The following UBR3 variants were observed in gnomAD, a reference collection of about 807,000 sequenced individuals.
UBR3 encodes the protein ubiquitin protein ligase E3 component n-recognin 3.
In UBR3, 85 loss-of-function variants were observed where a neutral mutation model predicts 243.2. The observed-to-expected ratio is 0.35, with a 90% confidence interval of 0.29 to 0.42. The LOEUF (loss-of-function observed/expected upper bound fraction) is 0.42, where lower values mean the gene tolerates loss of function less well. Ranked by LOEUF, UBR3 falls within the 10% of genes least tolerant of loss-of-function variation. The pLI is 1.00. For synonymous variants in UBR3, 748 were observed against 799.8 expected (o/e 0.94, Z 1.09); for missense variants, 1,686 against 2,300.8 (o/e 0.73, Z 5.47).
At chr2:169,974,958 A>G (rs117580751) in intron 24 of UBR3, among the ~76,000 whole-genome samples, 1 of 152,060 alleles carries the variant, frequency 6.6e-6, no homozygotes, top group Non-Finnish European at 1.5e-5. Context: ...AAGCGGGTGG[A>G]TTGCTTTAGT....
intron 33 of UBR3, among the ~76,000 whole-genome samples, chr2:170,056,774 G>A (rs889006202): frequency 1.4e-4 from 22 of 152,104 alleles, no homozygotes; most frequent in Non-Finnish European, 2.8e-4. Context: ...ACAATTATGT[G>A]TACATTTAAT....
chr2:170,044,699 T>C (rs1230327172), intron 32 of UBR3, among the ~76,000 whole-genome samples: 3 of 152,178 alleles, frequency 2.0e-5, no homozygotes, highest in Non-Finnish European at 4.4e-5. Flanking sequence ...TTCTTTCATG[T>C]AGAAAGAAGT....
chr2:169,844,484 C>A (rs1044145033), intron 1 of UBR3, among the ~76,000 whole-genome samples: 4 of 120,904 alleles, frequency 3.3e-5, no homozygotes, highest in Non-Finnish European at 4.9e-5. Context: ...TGTAGTGAAA[C>A]CCTCTCTCTT....
chr2:170,022,615 T>C (rs1328476557), intron 30 of UBR3, among the ~76,000 whole-genome samples: 1 of 152,212 alleles, frequency 6.6e-6, no homozygotes, highest in African/African-American at 2.4e-5. Flanking sequence ...ATGGTACTTA[T>C]ACTGACTATC....
At chr2:169,942,454 A>C in intron 19 of UBR3, 39 bp from the exon 20 acceptor site, 1 of 1,511,562 alleles carries the variant, frequency 6.6e-7, no homozygotes, top group South Asian at 1.3e-5. Flanking sequence ...TTTGATTTTG[A>C]GGCTATCATC....
rs2089942236 is a variant in UBR3, at chr2:170,007,150, A to C, written c.4190A>C (p.Lys1397Thr). The change falls in exon 28 of 39, where the codon AAG (lysine) becomes ACG (threonine). Residue 1397 changes from lysine to threonine, a missense_variant. This residue lies in a region of UBR3 where 371 missense variants were observed against 422.5 expected (regional missense o/e 0.88). Transcript: ENST00000272793. ...AACAAAAGCATACAAGATCTCATAA[A>C]GGAAGTGGAGGAGCTGCAGGGACGA... ...PSNKSIQDLI[K>T]EVEELQGRPG... 6.2e-7 allele frequency: 1 copy of C among 1,611,886 alleles called. No individual in the cohort carries two copies. Among genetic ancestry groups the C allele is most frequent in the Non-Finnish European group, 8.5e-7 (1 of 1,179,068 alleles).
chr2:169,912,600 TAATC>T (rs1198982125), intron 10 of UBR3, among the ~76,000 whole-genome samples: 3 of 152,222 alleles, frequency 2.0e-5, no homozygotes, highest in Admixed American at 6.5e-5. Context: ...ATTTGTCCTT[TAATC>T]AATTGATAGA....
chr2:170,038,300 C>A (rs2631), intron 31 of UBR3, among the ~76,000 whole-genome samples: 110,106 of 152,092 alleles, frequency 0.72, 40,518 homozygotes, highest in East Asian at 0.88. Flanking sequence ...TTAAGTGAGA[C>A]TCTTTTAAAC....
chr2:169,968,266 A>G (rs1345314753), intron 24 of UBR3, among the ~76,000 whole-genome samples: 2 of 152,180 alleles, frequency 1.3e-5, no homozygotes, highest in Non-Finnish European at 2.9e-5. Context: ...ATTGTTAACT[A>G]TCGTTACCCA....
intron 11 of UBR3, among the ~76,000 whole-genome samples, chr2:169,923,206 G>T (rs921655905): frequency 3.3e-5 from 5 of 152,254 alleles, no homozygotes; most frequent in African/African-American, 9.6e-5. Flanking sequence ...TATGGAGGCT[G>T]GTGCGTTTGG....
intron 26 of UBR3, 125 bp downstream of exon 26, chr2:169,994,581 A>G (rs2089413982): frequency 9.5e-7 from 1 of 1,047,668 alleles, no homozygotes; most frequent in African/African-American, 1.6e-5. Flanking sequence ...TTAGAAAAAA[A>G]TTAATATGTG....
In UBR3 at chr2:169,846,185, TC is replaced by T; in HGVS notation, c.545+18134del. On this transcript the variant is annotated intron_variant, in intron 1 of 38. Coordinates refer to ENST00000272793, the MANE Select transcript of UBR3 (RefSeq NM_172070.4). The stretch of plus-strand genomic sequence containing the variant: ...GTCTCCAAATATAACCGTGGATTTG[TC>T]TCTATTTCCTTGAAGTTGTCAATTT... Among the ~76,000 whole-genome samples the T allele has an allele frequency of 1.3e-5, 2 of 152,214 alleles. 1 individual carries two copies. Among genetic ancestry groups the T allele is most frequent in the African/African-American group, 4.8e-5 (2 of 41,458 alleles).
In UBR3 at chr2:169,851,062, C is replaced by G. The variant is rs150130675; in HGVS notation, c.546-21174C>G. 2.0e-4 allele frequency among the ~76,000 whole-genome samples: 31 copies of G among 152,250 alleles called. No homozygotes were observed. The East Asian group carries it at 5.6e-3, about 27-fold the overall frequency. On this transcript the variant is annotated intron_variant, in intron 1 of 38. Coordinates refer to ENST00000272793, the MANE Select transcript of UBR3 (RefSeq NM_172070.4). ...TTGTCTTTCAGTAGGTATGCTTAGA[C>G]TATTCACAGTTGTTTTAATTTTTGA...
intron 32 of UBR3, among the ~76,000 whole-genome samples, chr2:170,051,266 T>C (rs2105439566): frequency 6.6e-6 from 1 of 152,288 alleles, no homozygotes; most frequent in South Asian, 2.1e-4. Flanking sequence ...AACCAGAAAT[T>C]AGTACTTTTC....
At chr2:169,928,895 T>C in intron 18 of UBR3, 27 bp downstream of exon 18, 1 of 1,352,552 alleles carries the variant, frequency 7.4e-7, no homozygotes. Flanking sequence ...AAATGGACTC[T>C]TTCAAATATC....
chr2:169,853,829 G>A (rs537068911), intron 1 of UBR3, among the ~76,000 whole-genome samples: 146 of 150,804 alleles, frequency 9.7e-4, no homozygotes, highest in Non-Finnish European at 1.5e-3. Context: ...ATTTGTGTTT[G>A]TTGTTTATAT....
intron 1 of UBR3, 102 bp downstream of exon 1, chr2:169,828,154 A>C: frequency 3.6e-6 from 3 of 844,692 alleles, no homozygotes; most frequent in Non-Finnish European, 2.8e-6. Flanking sequence ...TGTCAAGGGG[A>C]GGGTGCGGGG....
In UBR3 at chr2:169,924,103, T is replaced by G. The variant is rs2085810977; in HGVS notation, c.1952T>G (p.Leu651Arg). 1 of 1,544,452 alleles carries G rather than the reference T, an allele frequency of 6.5e-7. No homozygotes were observed. Residue 651 changes from leucine to arginine, a missense_variant, in exon 13 of 39, where the codon CTA becomes CGA. Physicochemically the swap from Leu to Arg is moderately radical, Grantham distance 102. Transcript: ENST00000272793. ...TTTTAGGCTGTGAAATGTCAAGAACTAGATTTGGATTCTGTTTTACCAGAT... is the reference window on the plus strand; with the variant it reads ...TTTTAGGCTGTGAAATGTCAAGAACGAGATTTGGATTCTGTTTTACCAGAT... ...FLSKAVKCQE[L>R]DLDSVLPDQE...
Position 169,875,834 on chromosome 2 carries a change from G to A in UBR3, c.729G>A (p.Gln243=). 1 of 1,549,148 alleles carries A rather than the reference G, an allele frequency of 6.5e-7. No homozygotes were observed. Among genetic ancestry groups the A allele is most frequent in the Non-Finnish European group, 8.7e-7 (1 of 1,145,866 alleles). ...PSEKDLNKVL[Q]LLEPQISFLE... ...AAAAGGACCTTAACAAAGTCCTTCA[G>A]CTTTTGGAACCTCAAATTTCCTTTT... The change falls in exon 3 of 39, where the codon CAG becomes CAA. Residue 243 remains glutamine, a synonymous_variant. Coordinates refer to ENST00000272793, the MANE Select transcript of UBR3 (RefSeq NM_172070.4).
Sources: allele counts gnomAD v4.1 joint callset (sites outside exome capture counted in the v4.1 genomes callset), GRCh38; gene constraint gnomAD v4.1.1; regional missense constraint gnomAD v4.1.1; transcripts MANE v1.5; gene names NCBI Gene and HGNC (gene_info 2026-07-23, HGNC 2026-07-21).